SLC24A3: variants seen among roughly 807,000 people sequenced by gnomAD.
SLC24A3 encodes sodium/potassium/calcium exchanger 3.
SLC24A3 carries 28 observed loss-of-function variants against 75.8 expected under a neutral mutation model. The ratio of observed to expected loss-of-function variants is 0.37; its 90% CI spans 0.27 to 0.51. The LOEUF is 0.51. Among genes scored for constraint, SLC24A3 ranks in the 20% least tolerant of loss-of-function variants. The pLI is 0.94. For missense variants in SLC24A3, 663 were observed against 847.8 expected (o/e 0.78, Z 2.71); for synonymous variants, 372 against 334.1 (o/e 1.11, Z -1.24).
intron 3 of SLC24A3, among the ~76,000 whole-genome samples, chr20:19,527,110 A>G (rs1228621558): frequency 6.6e-6 from 1 of 151,956 alleles, no homozygotes; most frequent in Non-Finnish European, 1.5e-5. Flanking sequence ...TCCAACTACA[A>G]ACTCCAGCTA....
intron 3 of SLC24A3, among the ~76,000 whole-genome samples, chr20:19,540,691 T>C (rs2030480869): frequency 2.0e-5 from 3 of 152,212 alleles, no homozygotes; most frequent in African/African-American, 7.2e-5. Context: ...TGCTTCTATG[T>C]TTTAGTCAGT....
At chr20:19,405,104 T>C (rs968286622) in intron 2 of SLC24A3, among the ~76,000 whole-genome samples, 4 of 152,082 alleles carry the variant, frequency 2.6e-5, no homozygotes, top group South Asian at 2.1e-4. Context: ...AGAAATCACA[T>C]CTTTTCAGCT....
chr20:19,320,629 C>T (rs576237064), intron 2 of SLC24A3, among the ~76,000 whole-genome samples: 3 of 152,110 alleles, frequency 2.0e-5, no homozygotes, highest in South Asian at 2.1e-4. Flanking sequence ...ATTCAGTTGT[C>T]GCTCGGTATC....
chr20:19,292,111 G>A (rs547920945), intron 2 of SLC24A3, among the ~76,000 whole-genome samples: 20 of 152,330 alleles, frequency 1.3e-4, no homozygotes, highest in East Asian at 1.9e-4. Flanking sequence ...TGGACCAGCC[G>A]CGTAATCTCT....
intron 2 of SLC24A3, among the ~76,000 whole-genome samples, chr20:19,352,160 A>G (rs1037565803): frequency 1.3e-5 from 2 of 152,070 alleles, no homozygotes; most frequent in Non-Finnish European, 2.9e-5. Context: ...CTGTGGCTTA[A>G]ATTACACCCA....
In SLC24A3 at chr20:19,654,733, C is replaced by T. The variant is rs59628060; in HGVS notation, c.687+597C>T. 6.4e-3 allele frequency among the ~76,000 whole-genome samples: 961 copies of T among 150,982 alleles called. 10 individuals carry two copies. Among genetic ancestry groups the T allele is most frequent in the African/African-American group, 0.022 (905 of 41,098 alleles). On this transcript the variant is annotated intron_variant, in intron 7 of 16. Transcript: ENST00000328041. ...AGTGATCTTGGCTCACTGCAAGCTC[C>T]GCCTCCCGGGTCCCAATGATTCTCC...
At chr20:19,678,096 C>T (rs1418628673) in intron 9 of SLC24A3, among the ~76,000 whole-genome samples, 1 of 150,846 alleles carries the variant, frequency 6.6e-6, no homozygotes, top group African/African-American at 2.4e-5. Context: ...AAAAGTCTCC[C>T]ATGTCTACTT....
At chr20:19,427,069 ATG>A (rs138651975) in intron 2 of SLC24A3, among the ~76,000 whole-genome samples, 1 of 151,926 alleles carries the variant, frequency 6.6e-6, no homozygotes, top group African/African-American at 2.4e-5. Context: ...GTGTGTGTGC[ATG>A]TGTGTGTGTG....
intron 2 of SLC24A3, among the ~76,000 whole-genome samples, chr20:19,338,757 G>A (rs773314793): frequency 1.2e-4 from 19 of 152,186 alleles, no homozygotes; most frequent in Non-Finnish European, 1.8e-4. Flanking sequence ...AGTAATAACA[G>A]TGCTTATGAT....
At chr20:19,629,592 G>A (rs1350152457) in intron 6 of SLC24A3, among the ~76,000 whole-genome samples, 2 of 152,166 alleles carry the variant, frequency 1.3e-5, no homozygotes, top group Non-Finnish European at 2.9e-5. Context: ...AAGAGACCTT[G>A]CCATCAAACA....
At chr20:19,427,122 C>T (rs1987022526) in intron 2 of SLC24A3, among the ~76,000 whole-genome samples, 1 of 151,926 alleles carries the variant, frequency 6.6e-6, no homozygotes, top group African/African-American at 2.4e-5. Context: ...TGTGTGCACA[C>T]GTGTAGGTGT....
intron 1 of SLC24A3, chr20:19,257,543 G>A (rs1246450482): frequency 2.0e-5 from 3 of 152,212 alleles, no homozygotes; most frequent in Non-Finnish European, 4.4e-5. Flanking sequence ...GTACCTCCAA[G>A]GAGGGCTCAG....
At chr20:19,333,983 G>C (rs1316795569) in intron 2 of SLC24A3, among the ~76,000 whole-genome samples, 1 of 151,450 alleles carries the variant, frequency 6.6e-6, no homozygotes, top group Non-Finnish European at 1.5e-5. Flanking sequence ...GGGTGGAATT[G>C]TACATTTTCA....
At chr20:19,655,435 G>A (rs1333851773) in intron 7 of SLC24A3, among the ~76,000 whole-genome samples, 4 of 152,164 alleles carry the variant, frequency 2.6e-5, no homozygotes. Flanking sequence ...CATTGAAATA[G>A]GAGTCGGGAG....
chr20:19,290,618 G>A (rs1027081783), intron 2 of SLC24A3, among the ~76,000 whole-genome samples: 3 of 152,170 alleles, frequency 2.0e-5, no homozygotes, highest in African/African-American at 7.2e-5. Context: ...TCAGAGCTGT[G>A]AGAAATAAAT....
intron 2 of SLC24A3, among the ~76,000 whole-genome samples, chr20:19,334,777 TG>T (rs1190781461): frequency 6.6e-6 from 1 of 152,170 alleles, no homozygotes; most frequent in Non-Finnish European, 1.5e-5. Flanking sequence ...ACATGGACGC[TG>T]GGGGGCTCAT....
At chr20:19,664,256 T>C (rs889472412) in intron 7 of SLC24A3, among the ~76,000 whole-genome samples, 8 of 152,066 alleles carry the variant, frequency 5.3e-5, no homozygotes, top group Non-Finnish European at 8.8e-5. Context: ...GTTGGGGGGG[T>C]TATACAAAAG....
intron 3 of SLC24A3, among the ~76,000 whole-genome samples, chr20:19,540,735 C>T (rs141057835): frequency 6.6e-6 from 1 of 152,308 alleles, no homozygotes; most frequent in East Asian, 1.9e-4. Flanking sequence ...ATTTGATTTG[C>T]TTTATTTCCA....
intron 2 of SLC24A3, among the ~76,000 whole-genome samples, chr20:19,377,504 A>G (rs747765521): frequency 2.0e-5 from 3 of 152,190 alleles, no homozygotes; most frequent in Admixed American, 2.0e-4. Context: ...AAACTAAGCT[A>G]TGGAGGTGGA....
Sources: gnomAD v4.1 joint callset for allele counts (sites outside exome capture counted in the v4.1 genomes callset) on GRCh38, gnomAD v4.1.1 for gene constraint, MANE v1.5 for transcripts, NCBI Gene and HGNC (gene_info 2026-07-23, HGNC 2026-07-21) for gene names.